STXBP5L: variants seen among roughly 807,000 people sequenced by gnomAD.
STXBP5L encodes syntaxin binding protein 5L.
STXBP5L carries 65 observed loss-of-function variants against 144.5 expected under a neutral mutation model. That is an observed-to-expected ratio of 0.45 (90% CI 0.37 to 0.55). STXBP5L has a LOEUF of 0.55. Ranked by LOEUF, STXBP5L falls within the 20% of genes least tolerant of loss-of-function variation. The pLI, the probability that STXBP5L is intolerant of heterozygous loss-of-function variation, is 0.00. For synonymous variants in STXBP5L, 505 were observed against 469.6 expected, an observed-to-expected ratio of 1.08 and a Z score of -0.97; for missense variants, 1,298 against 1,405.5, an observed-to-expected ratio of 0.92 and a Z score of 1.22.
intron 3 of STXBP5L, among the ~76,000 whole-genome samples, chr3:120,979,422 G>C (rs915328880): frequency 6.6e-6 from 1 of 152,154 alleles, no homozygotes. Context: ...TAGGGTGGGC[G>C]TGACCCAATT....
At chr3:121,006,980 A>G (rs1313923144) in intron 3 of STXBP5L, among the ~76,000 whole-genome samples, 1 of 152,108 alleles carries the variant, frequency 6.6e-6, no homozygotes, top group African/African-American at 2.4e-5. Context: ...GCTACCCTTA[A>G]CATTTTTTCC....
At chr3:120,977,445 C>T (rs74413636) in intron 3 of STXBP5L, among the ~76,000 whole-genome samples, 13 of 152,090 alleles carry the variant, frequency 8.5e-5, no homozygotes, top group South Asian at 2.1e-4. Flanking sequence ...TGTCTCTGCA[C>T]GTGAGATGGG....
chr3:120,957,917 C>A (rs1051074516), intron 3 of STXBP5L, among the ~76,000 whole-genome samples: 1 of 152,038 alleles, frequency 6.6e-6, no homozygotes, highest in African/African-American at 2.4e-5. Flanking sequence ...CAGAGCAGAA[C>A]TGAAGGACAT....
At chr3:120,950,608 A>G (rs1005366916) in intron 2 of STXBP5L, among the ~76,000 whole-genome samples, 6 of 152,142 alleles carry the variant, frequency 3.9e-5, no homozygotes, top group Non-Finnish European at 7.4e-5. Context: ...ATATGTATAC[A>G]TGAGACATGC....
chr3:121,121,736 T>C, intron 7 of STXBP5L, 32 bp downstream of exon 7: 1 of 1,494,562 alleles, frequency 6.7e-7, no homozygotes, highest in African/African-American at 1.4e-5. Flanking sequence ...TTATTAGTTT[T>C]ATTTTCCTCA....
intron 7 of STXBP5L, among the ~76,000 whole-genome samples, chr3:121,130,821 T>C (rs1559780256): frequency 6.6e-6 from 1 of 152,004 alleles, no homozygotes; most frequent in Non-Finnish European, 1.5e-5. Context: ...AAGTAGAAAA[T>C]ACAAATCAAA....
chr3:121,030,567 A>C (rs1446322729), intron 3 of STXBP5L, among the ~76,000 whole-genome samples: 1 of 152,102 alleles, frequency 6.6e-6, no homozygotes, highest in Non-Finnish European at 1.5e-5. Flanking sequence ...ATTAGGAGAA[A>C]TACCTAATGT....
intron 5 of STXBP5L, among the ~76,000 whole-genome samples, chr3:121,070,413 C>T (rs558090313): frequency 5.9e-5 from 9 of 152,280 alleles, no homozygotes; most frequent in African/African-American, 2.2e-4. Context: ...AGAAGACAGG[C>T]TGTTAGTATT....
At chr3:121,102,965 A>G in intron 5 of STXBP5L, among the ~76,000 whole-genome samples, 1 of 152,108 alleles carries the variant, frequency 6.6e-6, no homozygotes, top group Non-Finnish European at 1.5e-5. Flanking sequence ...CACATAACTA[A>G]TCATCAGAGA....
chr3:121,169,919 A>G (rs1187818735), intron 9 of STXBP5L, among the ~76,000 whole-genome samples: 1 of 152,208 alleles, frequency 6.6e-6, no homozygotes, highest in Non-Finnish European at 1.5e-5. Flanking sequence ...CACTGCACTT[A>G]TTCTAAAATT....
intron 5 of STXBP5L, among the ~76,000 whole-genome samples, chr3:121,082,905 CT>C (rs2042318086): frequency 6.6e-6 from 1 of 152,090 alleles, no homozygotes; most frequent in Non-Finnish European, 1.5e-5. Flanking sequence ...TTGTTAAGAA[CT>C]TTTACATTTG....
intron 3 of STXBP5L, among the ~76,000 whole-genome samples, chr3:120,999,395 C>T (rs1357412253): frequency 6.6e-6 from 1 of 152,062 alleles, no homozygotes; most frequent in Non-Finnish European, 1.5e-5. Flanking sequence ...ATAGCAACCC[C>T]AATTCTTTTT....
At chr3:121,291,244 T>C (rs2051427768) in intron 19 of STXBP5L, among the ~76,000 whole-genome samples, 2 of 152,136 alleles carry the variant, frequency 1.3e-5, no homozygotes, top group African/African-American at 4.8e-5. Flanking sequence ...ATAGCACTGC[T>C]ATATACCAAT....
chr3:121,418,222 C>CATT, intron 25 of STXBP5L, 115 bp from the exon 26 acceptor site: 1 of 1,229,654 alleles, frequency 8.1e-7, no homozygotes, highest in Non-Finnish European at 1.1e-6. Flanking sequence ...ATAAGACTCT[C>CATT]TTTTAATGAG....
At chr3:120,995,694 A>T (rs952213048) in intron 3 of STXBP5L, among the ~76,000 whole-genome samples, 1 of 152,058 alleles carries the variant, frequency 6.6e-6, no homozygotes, top group Non-Finnish European at 1.5e-5. Context: ...TCCTTACCCT[A>T]GAATAATATA....
At chr3:121,174,542 A>G (rs9876935) in intron 9 of STXBP5L, among the ~76,000 whole-genome samples, 32,438 of 152,088 alleles carry the variant, frequency 0.21, 3,692 homozygotes, top group Non-Finnish European at 0.26. Context: ...AAAGGTGCCA[A>G]TTTGGGAGAA....
intron 9 of STXBP5L, among the ~76,000 whole-genome samples, chr3:121,197,869 C>A (rs1577186798): frequency 6.6e-6 from 1 of 152,168 alleles, no homozygotes; most frequent in Non-Finnish European, 1.5e-5. Context: ...TGTATATGTG[C>A]CGCATTTTCT....
At chr3:120,940,630 A>G (rs1184346866) in intron 2 of STXBP5L, among the ~76,000 whole-genome samples, 1 of 126,878 alleles carries the variant, frequency 7.9e-6, no homozygotes, top group Admixed American at 9.0e-5. Flanking sequence ...AATGAGTCCT[A>G]GGGGTGGAAA....
In STXBP5L at chr3:121,407,567, C is replaced by A. The variant is rs754091711; in HGVS notation, c.2912C>A (p.Ala971Glu). 1.2e-6 allele frequency: 2 copies of A among 1,613,150 alleles called. No homozygotes were observed. The highest frequency in any genetic ancestry group is 1.7e-6 in the Non-Finnish European group (2 of 1,179,546). ...GTCATGTGTAGCAGTGCCTGCTTGG[C>A]ATGCTTTTGTGCTAACGGACATATC... ...VVVMCSSACLACFCANGHIMI... is the reference protein window; with the variant it reads ...VVVMCSSACLECFCANGHIMI... Residue 971 changes from alanine to glutamate, a missense_variant, in exon 23 of 27, where the codon GCA (alanine) becomes GAA (glutamate). Coordinates refer to ENST00000471454, the MANE Select transcript of STXBP5L (RefSeq NM_001308330.2).
Sources: allele counts gnomAD v4.1 joint callset (sites outside exome capture counted in the v4.1 genomes callset), GRCh38; gene constraint gnomAD v4.1.1; transcripts MANE v1.5; gene names NCBI Gene and HGNC (gene_info 2026-07-23, HGNC 2026-07-21).